The following CSMD1 variants were observed in gnomAD, a reference collection of about 807,000 sequenced individuals.
CSMD1 encodes the protein CUB and Sushi multiple domains 1.
In CSMD1, 213 loss-of-function variants were observed where a neutral mutation model predicts 417.5. The ratio of observed to expected loss-of-function variants is 0.51; its 90% CI spans 0.46 to 0.57. CSMD1 has a LOEUF of 0.57. CSMD1 is among the 20% of genes least tolerant of loss of function. The pLI is 0.00. For missense variants in CSMD1, 6,923 were observed against 4,529.7 expected (o/e 1.53, Z -15.17); for synonymous variants, 2,862 against 1,736.8 (o/e 1.65, Z -16.11).
chr8:4,013,952 G>A (rs1041252122), intron 4 of CSMD1, among the ~76,000 whole-genome samples: 8 of 152,160 alleles, frequency 5.3e-5, no homozygotes, highest in Non-Finnish European at 1.0e-4. Context: ...ATAAGTGTAT[G>A]TAATACTTTG....
intron 26 of CSMD1, among the ~76,000 whole-genome samples, chr8:3,241,894 C>T (rs1468500644): frequency 2.6e-5 from 4 of 151,620 alleles, no homozygotes; most frequent in Non-Finnish European, 5.9e-5. Context: ...GGTTTGAGGG[C>T]TGGAATTTAA....
chr8:4,393,212 T>G (rs78578808), intron 3 of CSMD1, among the ~76,000 whole-genome samples: 5 of 151,872 alleles, frequency 3.3e-5, no homozygotes, highest in South Asian at 4.2e-4. Flanking sequence ...CTCAGCTAAA[T>G]TGATCTACCC....
intron 26 of CSMD1, among the ~76,000 whole-genome samples, chr8:3,249,837 A>G (rs1800140743): frequency 6.6e-6 from 1 of 152,226 alleles, no homozygotes; most frequent in Admixed American, 6.5e-5. Context: ...TTTATTTTGC[A>G]AATGGCTAAT....
chr8:3,681,523 C>T lies in CSMD1; in HGVS notation c.1009+26891G>A, dbSNP rs189546301. Among the ~76,000 whole-genome samples, 97 of 152,238 alleles carry T rather than the reference C, an allele frequency of 6.4e-4. No homozygotes were observed. In the East Asian group the frequency reaches 0.013, roughly 21 times the overall value. ...CTTCAAGGAGAATTACAAACCACTG[C>T]TCAATGAAATAAAAGAGGATACAAA... On this transcript the variant is annotated intron_variant, in intron 7 of 69. Transcript: ENST00000635120.
intron 25 of CSMD1, among the ~76,000 whole-genome samples, chr8:3,295,115 T>C (rs1239309116): frequency 1.7e-5 from 2 of 119,988 alleles, no homozygotes; most frequent in Non-Finnish European, 3.8e-5. Flanking sequence ...AATTTGCTTT[T>C]ATTTTATTTA....
chr8:3,341,251 C>T (rs997634853), intron 23 of CSMD1, among the ~76,000 whole-genome samples: 15 of 152,200 alleles, frequency 9.9e-5, no homozygotes, highest in African/African-American at 2.9e-4. Context: ...TACGGTCACA[C>T]GGCTCTGGAG....
At chr8:4,819,719 A>C (rs1054413179) in intron 1 of CSMD1, among the ~76,000 whole-genome samples, 6 of 152,154 alleles carry the variant, frequency 3.9e-5, no homozygotes, top group Admixed American at 6.5e-5. Context: ...TCTTACAGAT[A>C]AAACCATTGA....
chr8:4,052,270 G>A (rs73496791), intron 3 of CSMD1, among the ~76,000 whole-genome samples: 2,100 of 152,268 alleles, frequency 0.014, 44 homozygotes, highest in East Asian at 0.09. Context: ...ACAGGGCACA[G>A]CCTGCCATTT....
At chr8:3,985,139 G>A (rs1026575620) in intron 5 of CSMD1, among the ~76,000 whole-genome samples, 3 of 152,058 alleles carry the variant, frequency 2.0e-5, no homozygotes, top group Non-Finnish European at 4.4e-5. Context: ...TGTACTTCAG[G>A]AGAGGGTGTG....
At chr8:3,249,330 T>G (rs1800107251) in intron 26 of CSMD1, among the ~76,000 whole-genome samples, 1 of 152,174 alleles carries the variant, frequency 6.6e-6, no homozygotes, top group Non-Finnish European at 1.5e-5. Context: ...CATGTGATTC[T>G]CAATGCCTCA....
intron 5 of CSMD1, among the ~76,000 whole-genome samples, chr8:3,897,348 G>A (rs1002636183): frequency 1.3e-5 from 2 of 152,168 alleles, no homozygotes; most frequent in Non-Finnish European, 2.9e-5. Flanking sequence ...TATAAGCAGT[G>A]TGCTCTAACA....
intron 5 of CSMD1, among the ~76,000 whole-genome samples, chr8:3,901,567 G>C (rs1413058676): frequency 6.6e-6 from 1 of 152,194 alleles, no homozygotes; most frequent in Non-Finnish European, 1.5e-5. Flanking sequence ...ATAAAGTAGA[G>C]TCCTCATTCG....
At chr8:3,707,781 C>T (rs1335977942) in intron 7 of CSMD1, among the ~76,000 whole-genome samples, 2 of 152,144 alleles carry the variant, frequency 1.3e-5, no homozygotes, top group African/African-American at 4.8e-5. Flanking sequence ...TGACCCAGTC[C>T]AGGCATGGTC....
At chr8:3,804,379 C>T (rs530839812) in intron 5 of CSMD1, among the ~76,000 whole-genome samples, 14 of 152,074 alleles carry the variant, frequency 9.2e-5, no homozygotes, top group South Asian at 4.2e-4. Context: ...GTGAATTAAC[C>T]GGACACAAAT....
chr8:4,045,591 C>T (rs1023828661), intron 3 of CSMD1, among the ~76,000 whole-genome samples: 2 of 152,260 alleles, frequency 1.3e-5, no homozygotes, highest in African/African-American at 4.8e-5. Flanking sequence ...ATGAAAGAAA[C>T]TCAAGAATGT....
chr8:3,325,723 C>T (rs1452357177), intron 23 of CSMD1, among the ~76,000 whole-genome samples: 1 of 152,146 alleles, frequency 6.6e-6, no homozygotes, highest in Non-Finnish European at 1.5e-5. Context: ...ACTCGGGAAG[C>T]TGAGGCAAGG....
intron 47 of CSMD1, among the ~76,000 whole-genome samples, chr8:3,092,790 C>T (rs957134627): frequency 2.6e-5 from 4 of 152,164 alleles, no homozygotes; most frequent in Non-Finnish European, 5.9e-5. Context: ...GCCAACAACG[C>T]TACTCTGTAA....
rs969523097 is a variant in CSMD1, at chr8:2,962,675, C to G, written c.9455-36G>C. 1.9e-6 allele frequency: 3 copies of G among 1,598,582 alleles called. No individual in the cohort carries two copies. In the African/African-American group the frequency reaches 4.0e-5, roughly 21 times the overall value. On this transcript the variant is annotated intron_variant, in intron 60 of 69. Transcript: ENST00000635120. ...TAACCAGGAAGAAGTCAGCCTTCAACGTCCCTGGATCAGCTTCACCAATTG... is the reference window on the plus strand; with the variant it reads ...TAACCAGGAAGAAGTCAGCCTTCAAGGTCCCTGGATCAGCTTCACCAATTG...
chr8:4,296,451 T>A (rs900295397), intron 3 of CSMD1, among the ~76,000 whole-genome samples: 1 of 152,150 alleles, frequency 6.6e-6, no homozygotes, highest in Admixed American at 6.6e-5. Context: ...TTTGGACTCA[T>A]GGCCAGAGGT....
Sources: gnomAD v4.1 joint callset for allele counts (sites outside exome capture counted in the v4.1 genomes callset) on GRCh38, gnomAD v4.1.1 for gene constraint, MANE v1.5 for transcripts, NCBI Gene and HGNC (gene_info 2026-07-23, HGNC 2026-07-21) for gene names.